Variants in COL6A3 observed in about 807,000 individuals in gnomAD.
COL6A3 encodes the protein collagen alpha-3(VI) chain.
Under a neutral mutation model 274.1 loss-of-function variants are expected in COL6A3, and 137 were observed. That is an observed-to-expected ratio of 0.50 (90% CI 0.44 to 0.58). The LOEUF (loss-of-function observed/expected upper bound fraction) is 0.58, where lower values mean the gene tolerates loss of function less well. Among genes scored for constraint, COL6A3 ranks in the 20% least tolerant of loss-of-function variants. The pLI, the probability that COL6A3 is intolerant of heterozygous loss-of-function variation, is 0.00. For missense variants in COL6A3, 3,950 were observed against 4,124.9 expected, an observed-to-expected ratio of 0.96 and a Z score of 1.16; for synonymous variants, 1,650 against 1,650.6, an observed-to-expected ratio of 1.00 and a Z score of 0.01.
chr2:237,341,230 G>T, intron 37 of COL6A3, 80 bp from the exon 38 acceptor site: 1 of 1,375,076 alleles, frequency 7.3e-7, no homozygotes, highest in Non-Finnish European at 1.0e-6. Context: ...TGGGAGACTT[G>T]GGCGATTAAA....
chr2:237,374,662 C>T lies in COL6A3; in HGVS notation c.3429G>A (p.Arg1143=), dbSNP rs146171151. 1.9e-5 allele frequency: 30 copies of T among 1,613,960 alleles called. No individual in the cohort carries two copies. The highest frequency in any genetic ancestry group is 2.3e-5 in the Non-Finnish European group (27 of 1,179,996). ...PQLLIVLTAD[R]SGDDVRNPSV... The stretch of plus-strand genomic sequence containing the variant: ...AGGGGTTCCGCACATCATCCCCAGA[C>T]CTGTCGGCCGTGAGGACGATCAGCA... Residue 1143 remains arginine (R), a synonymous_variant, in exon 8 of 44, where the codon AGG becomes AGA. Transcript: ENST00000295550. This position sits in a 1 kb window ranked among gnomAD's most constrained non-coding sequence, Gnocchi z 4.8.
rs948677481 is a variant in COL6A3 at position 237,374,866 on chromosome 2, C to G, written c.3225G>C (p.Arg1075=). The stretch of plus-strand genomic sequence containing the variant: ...AATTCAGGTAGAACTCGGGCCTGGT[C>G]CGGTCGCTGTACTGCACCACGGCCA... ...VRVAVVQYSD[R]TRPEFYLNSY... is the part of the protein sequence containing the mutation. Residue 1075 remains arginine (R), a synonymous_variant, in exon 8 of 44, where the codon CGG becomes CGC. Coordinates refer to ENST00000295550, the MANE Select transcript of COL6A3 (RefSeq NM_004369.4). The surrounding 1 kb of genome is among the most constrained non-coding windows in gnomAD (Gnocchi z 4.8). 1.9e-6 allele frequency: 3 copies of G among 1,613,984 alleles called. No homozygotes were observed. The highest frequency in any genetic ancestry group is 2.5e-6 in the Non-Finnish European group (3 of 1,180,016).
chr2:237,372,397 G>C, intron 8 of COL6A3, 60 bp from the exon 9 acceptor site: 1 of 1,599,536 alleles, frequency 6.3e-7, no homozygotes, highest in Non-Finnish European at 8.5e-7. Context: ...TAGCGTTCAT[G>C]AGCCACCGCC....
intron 3 of COL6A3, among the ~76,000 whole-genome samples, chr2:237,391,849 C>T (rs952287426): frequency 6.6e-6 from 1 of 152,154 alleles, no homozygotes; most frequent in African/African-American, 2.4e-5. Flanking sequence ...GTTATTATCC[C>T]GATATTCCGA....
Position 237,407,349 on chromosome 2 carries a change from G to T in COL6A3, c.-31+6604C>A, listed in dbSNP as rs1311335137. Among the ~76,000 whole-genome samples, 1 of 152,192 alleles carries T rather than the reference G, an allele frequency of 6.6e-6. No individual in the cohort carries two copies. The highest frequency in any genetic ancestry group is 2.4e-5 in the African/African-American group (1 of 41,442). On this transcript the variant is annotated intron_variant, in intron 1 of 43. Transcript: ENST00000295550. This position sits in a 1 kb window ranked among gnomAD's most constrained non-coding sequence, Gnocchi z 4.3. ...TAGACCTCCTTTGTCACCTACTGGG[G>T]TCCTTTGTCACTTACGGGGGTCCTT...
chr2:237,356,653 C>T (rs1205153008), intron 23 of COL6A3: 3 of 155,636 alleles, frequency 1.9e-5, no homozygotes, highest in Non-Finnish European at 2.8e-5. Flanking sequence ...AGGCACCCAC[C>T]AGCATCCTGA....
In COL6A3 at chr2:237,340,871, G is replaced by C. The variant is rs761740861; in HGVS notation, c.8045C>G (p.Pro2682Arg). Reference sequence around the variant, plus strand: ...AGTCAGGGAGAATTCCACCTTCACAGGTGGCATGCTGGCATTGTCCACGGA... The same window carrying C: ...AGTCAGGGAGAATTCCACCTTCACACGTGGCATGCTGGCATTGTCCACGGA... ...SESVDNASMP[P>R]VKVEFSLTDY... The change falls in exon 38 of 44, where the codon CCT becomes CGT. Residue 2682 changes from proline (P) to arginine (R), a missense_variant. Coordinates refer to ENST00000295550, the MANE Select transcript of COL6A3 (RefSeq NM_004369.4). 1 of 1,613,854 alleles carries C rather than the reference G, an allele frequency of 6.2e-7. No individual in the cohort carries two copies. The highest frequency in any genetic ancestry group is 8.5e-7 in the Non-Finnish European group (1 of 1,179,748).
At chr2:237,354,835 C>T in intron 24 of COL6A3, 64 bp downstream of exon 24, 1 of 1,434,460 alleles carries the variant, frequency 7.0e-7, no homozygotes, top group Non-Finnish European at 9.7e-7. Flanking sequence ...GTTTTTCACT[C>T]CTGGGCTGGG....
At chr2:237,332,256 C>G (rs1041730068) in intron 42 of COL6A3, among the ~76,000 whole-genome samples, 1 of 151,360 alleles carries the variant, frequency 6.6e-6, no homozygotes, top group Non-Finnish European at 1.5e-5. Flanking sequence ...ATCTTGCTGT[C>G]TAGTTTACTC....
intron 8 of COL6A3, 94 bp from the exon 9 acceptor site, chr2:237,372,431 A>G (rs1023391979): frequency 6.9e-6 from 11 of 1,596,042 alleles, no homozygotes; most frequent in African/African-American, 4.0e-5. Context: ...ATTCACAGGC[A>G]GGGGATCCTA....
Position 237,376,814 on chromosome 2 carries a change from C to T in COL6A3, c.3028G>A (p.Val1010Met). 1 of 1,614,160 alleles carries T rather than the reference C, an allele frequency of 6.2e-7. No individual in the cohort carries two copies. Among genetic ancestry groups the T allele is most frequent in the South Asian group, 1.1e-5 (1 of 91,066 alleles). Residue 1010 changes from valine to methionine, a missense_variant, in exon 7 of 44, where the codon GTG becomes ATG. Physicochemically the swap from Val to Met is conservative, Grantham distance 21. Around this residue, in one of 5 missense-constraint regions of COL6A3, gnomAD observed 1,934 missense variants for 1,984.3 expected, o/e 0.97. Coordinates refer to ENST00000295550, the MANE Select transcript of COL6A3 (RefSeq NM_004369.4). ...PKIGDLHPQI[V>M]NLLKSVHNGA... The stretch of plus-strand genomic sequence containing the variant: ...TTGTGCACTGATTTTAAGAGATTCA[C>T]TATCTGTGGATGAAGATCTCCAATC...
intron 13 of COL6A3, among the ~76,000 whole-genome samples, chr2:237,363,638 C>T (rs546072578): frequency 6.6e-6 from 1 of 152,322 alleles, no homozygotes; most frequent in East Asian, 1.9e-4. Flanking sequence ...TAGGAAGTGG[C>T]ATCCATGAAG....
chr2:237,336,096 G>A, intron 40 of COL6A3, 39 bp downstream of exon 40: 1 of 1,611,682 alleles, frequency 6.2e-7, no homozygotes, highest in Non-Finnish European at 8.5e-7. Context: ...AGGAAATGAG[G>A]ATGTCACAAG....
rs4416167 is a variant in COL6A3, at chr2:237,336,067, G to A, written c.8965+68C>T. On this transcript the variant is annotated intron_variant, in intron 40 of 43. Transcript: ENST00000295550. ...TCTGAGTGTGTTACATGCAGGCTTT[G>A]AGGAACACACCCTGGAGCAGGAAAT... 4.4e-5 allele frequency: 69 copies of A among 1,584,876 alleles called. No individual in the cohort carries two copies. The African/African-American group carries it at 8.5e-4, about 19-fold the overall frequency.
At chr2:237,406,529 A>T (rs1450567748) in intron 1 of COL6A3, among the ~76,000 whole-genome samples, 1 of 152,154 alleles carries the variant, frequency 6.6e-6, no homozygotes, top group African/African-American at 2.4e-5. Context: ...TGACTGTGAA[A>T]TAGAAAGTCA....
intron 7 of COL6A3, among the ~76,000 whole-genome samples, chr2:237,375,320 G>A (rs1172235279): frequency 6.6e-6 from 1 of 152,184 alleles, no homozygotes; most frequent in Non-Finnish European, 1.5e-5. Flanking sequence ...AAAGTGCCAA[G>A]CTGCTGGCAA....
At position 237,367,133 on chromosome 2, in the gene COL6A3, G is replaced by A. The variant is rs2077574103; in HGVS notation, c.5054C>T (p.Ser1685Phe). 3.1e-6 allele frequency: 5 copies of A among 1,614,234 alleles called. No homozygotes were observed. The highest frequency in any genetic ancestry group is 4.2e-6 in the Non-Finnish European group (5 of 1,180,048). Residue 1685 changes from serine (S) to phenylalanine (F), a missense_variant, in exon 11 of 44, where the codon TCT becomes TTT. This residue lies in a region of COL6A3 where 632 missense variants were observed against 623.4 expected (regional missense o/e 1.01). Transcript: ENST00000295550. ...CAGGAAGAATTCGTCAGTGGGGTCA[G>A]AGTTGTACTGGACAAGCCCCACTTG... ...SIQVGLVQYN[S>F]DPTDEFFLKD...
rs1220087503 is a variant in COL6A3, at chr2:237,371,996, C to T, written c.4021G>A (p.Val1341Ile). 6.8e-6 allele frequency: 11 copies of T among 1,614,014 alleles called. No homozygotes were observed. The highest frequency in any genetic ancestry group is 4.0e-5 in the African/African-American group (3 of 74,944). Reference protein sequence around the residue: ...RIEEGVPQFLVLISSGKSDDE... With the variant: ...RIEEGVPQFLILISSGKSDDE... Reference sequence around the variant, plus strand: ...TCAGACTTTCCAGACGAGATGAGGACCAGGAACTGCGGGACGCCCTCTTCA... The same window carrying T: ...TCAGACTTTCCAGACGAGATGAGGATCAGGAACTGCGGGACGCCCTCTTCA... The change falls in exon 9 of 44, where the codon GTC becomes ATC. Residue 1341 changes from valine (V) to isoleucine (I), a missense_variant. Val to Ile is a conservative substitution (Grantham distance 29). Coordinates refer to ENST00000295550, the MANE Select transcript of COL6A3 (RefSeq NM_004369.4). The surrounding 1 kb of genome is among the most constrained non-coding windows in gnomAD (Gnocchi z 4.3).
rs537680472 is a variant in COL6A3 at position 237,362,842 on chromosome 2, C to T, written c.6063+411G>A. Among the ~76,000 whole-genome samples, 55 of 152,302 alleles carry T rather than the reference C, an allele frequency of 3.6e-4. 1 individual carries two copies. The highest frequency in any genetic ancestry group is 2.5e-3 in the Admixed American group (39 of 15,304). On this transcript the variant is annotated intron_variant, in intron 14 of 43. Transcript: ENST00000295550. The stretch of plus-strand genomic sequence containing the variant: ...GGAGGGCAATTAAAGCACTTCTCCA[C>T]CCAGAAACAGCCTTTCTTTTCCTGC...
Sources: gnomAD v4.1 joint callset for allele counts (sites outside exome capture counted in the v4.1 genomes callset) on GRCh38, gnomAD v4.1.1 for gene constraint, gnomAD v4.1.1 regional missense constraint, Gnocchi (gnomAD v3.1) non-coding constraint, MANE v1.5 for transcripts, NCBI Gene and HGNC (gene_info 2026-07-23, HGNC 2026-07-21) for gene names.